The following SLC30A6 variants were observed in gnomAD, a reference collection of about 807,000 sequenced individuals.
SLC30A6 encodes the protein zinc transporter 6.
Under a neutral mutation model 63.0 loss-of-function variants are expected in SLC30A6, and 55 were observed. The ratio of observed to expected loss-of-function variants is 0.87; its 90% CI spans 0.70 to 1.09. The LOEUF (loss-of-function observed/expected upper bound fraction) is 1.09, where lower values mean the gene tolerates loss of function less well. SLC30A6 is among the 50% of genes least tolerant of loss of function. The probability of loss-of-function intolerance (pLI) is 0.00; values close to 1 mark genes in which losing one functional copy is unlikely to be tolerated. For missense variants in SLC30A6, 587 were observed against 549.2 expected, an observed-to-expected ratio of 1.07 and a Z score of -0.69; for synonymous variants, 224 against 186.1, an observed-to-expected ratio of 1.20 and a Z score of -1.66.
chr2:32,185,812 C>T (rs904414120), intron 5 of SLC30A6, among the ~76,000 whole-genome samples: 2 of 151,748 alleles, frequency 1.3e-5, no homozygotes, highest in East Asian at 1.9e-4. Context: ...CTCTGCCTTC[C>T]GGGTTCCAGC....
At chr2:32,186,396 T>C (rs1682815144) in intron 5 of SLC30A6, among the ~76,000 whole-genome samples, 1 of 152,128 alleles carries the variant, frequency 6.6e-6, no homozygotes, top group Admixed American at 6.6e-5. Flanking sequence ...AAATCTAACT[T>C]AGTTTGGGGC....
At chr2:32,212,894 A>AT (rs10522618) in intron 13 of SLC30A6, among the ~76,000 whole-genome samples, 1,632 of 118,116 alleles carry the variant, frequency 0.014, 31 homozygotes, top group South Asian at 0.02. Flanking sequence ...TGTGTCCAGC[A>AT]TTTTTTTTTT....
At chr2:32,188,488 G>GT (rs1430759058) in intron 5 of SLC30A6, among the ~76,000 whole-genome samples, 1 of 152,168 alleles carries the variant, frequency 6.6e-6, no homozygotes. Context: ...GAGGTCAGGA[G>GT]TTTGAGACCA....
chr2:32,218,933 C>T (rs1267409618), intron 13 of SLC30A6, among the ~76,000 whole-genome samples: 1 of 152,128 alleles, frequency 6.6e-6, no homozygotes, highest in Non-Finnish European at 1.5e-5. Flanking sequence ...TACAATTTTT[C>T]TGAACTCTGA....
intron 5 of SLC30A6, among the ~76,000 whole-genome samples, chr2:32,185,191 C>T (rs748765616): frequency 1.4e-4 from 22 of 151,982 alleles, no homozygotes; most frequent in Non-Finnish European, 3.1e-4. Context: ...TGAGATCTGT[C>T]GCTGCAAAAA....
At chr2:32,192,479 C>T in intron 6 of SLC30A6, 63 bp downstream of exon 6, 2 of 1,411,524 alleles carry the variant, frequency 1.4e-6, no homozygotes, top group South Asian at 2.4e-5. Context: ...ATGAAAGAAA[C>T]CCGTCAGACA....
chr2:32,186,988 G>A (rs1448918385), intron 5 of SLC30A6, among the ~76,000 whole-genome samples: 3 of 131,702 alleles, frequency 2.3e-5, no homozygotes, highest in South Asian at 2.4e-4. Context: ...AGAGCTAGAC[G>A]CTGTCTCCAA....
rs562773787 is a variant in SLC30A6 at position 32,188,529 on chromosome 2, A to T, written c.285-3807A>T. 2.0e-5 allele frequency among the ~76,000 whole-genome samples: 3 copies of T among 152,214 alleles called. No homozygotes were observed. The South Asian group carries it at 6.2e-4, about 32-fold the overall frequency. On this transcript the variant is annotated intron_variant, in intron 5 of 13. Coordinates refer to ENST00000282587, the MANE Select transcript of SLC30A6 (RefSeq NM_017964.5). ...ACCAACATGGTGAAACCTCATCTCTACTAAAAATACAAAAATTCGCCAGGT... is the reference window on the plus strand; with the variant it reads ...ACCAACATGGTGAAACCTCATCTCTTCTAAAAATACAAAAATTCGCCAGGT...
chr2:32,220,105 A>T (rs1049299024), intron 13 of SLC30A6, 108 bp from the exon 14 acceptor site: 1 of 1,298,268 alleles, frequency 7.7e-7, no homozygotes, highest in African/African-American at 1.5e-5. Context: ...TTTTCTTTCA[A>T]AGAAAATGCC....
At chr2:32,169,941 G>C (rs553543280) in intron 1 of SLC30A6, among the ~76,000 whole-genome samples, 4 of 152,268 alleles carry the variant, frequency 2.6e-5, no homozygotes, top group Admixed American at 2.6e-4. Context: ...TTTTAAAACT[G>C]GGTTATTCAT....
At chr2:32,201,883 G>A in intron 10 of SLC30A6, 1 of 1,451,002 alleles carries the variant, frequency 6.9e-7, no homozygotes, top group Non-Finnish European at 9.5e-7. Context: ...TTACCTGGAT[G>A]CTCCCAAGAC....
intron 10 of SLC30A6, chr2:32,202,221 A>G (rs1684351293): frequency 2.5e-6 from 2 of 803,162 alleles, no homozygotes; most frequent in East Asian, 3.7e-5. Flanking sequence ...TTGGTCCTGT[A>G]TATGAAGGAA....
chr2:32,201,836 A>G, intron 10 of SLC30A6: 1 of 1,429,782 alleles, frequency 7.0e-7, no homozygotes, highest in Non-Finnish European at 9.8e-7. Flanking sequence ...TATGACTCAG[A>G]TGAGAAATCA....
chr2:32,174,510 G>A (rs1219662276), intron 3 of SLC30A6, among the ~76,000 whole-genome samples: 2 of 142,004 alleles, frequency 1.4e-5, no homozygotes, highest in Non-Finnish European at 3.1e-5. Flanking sequence ...TTTTAAATAA[G>A]CTGTTATTTT....
At chr2:32,198,411 G>T (rs548973573) in intron 10 of SLC30A6, among the ~76,000 whole-genome samples, 1 of 152,104 alleles carries the variant, frequency 6.6e-6, no homozygotes, top group Non-Finnish European at 1.5e-5. Flanking sequence ...AATTCCAAAA[G>T]GCGTATCTTC....
chr2:32,166,209 G>A (rs1021309751), intron 1 of SLC30A6, among the ~76,000 whole-genome samples: 2 of 151,980 alleles, frequency 1.3e-5, no homozygotes. Context: ...GTTTTTGCCA[G>A]CGTCAACAAC....
chr2:32,211,477 C>G (rs1454547433), intron 13 of SLC30A6, among the ~76,000 whole-genome samples: 6 of 152,064 alleles, frequency 3.9e-5, no homozygotes, highest in African/African-American at 1.4e-4. Flanking sequence ...TAATTTTTTT[C>G]CTTTTATATG....
chr2:32,166,047 C>G (rs1236172331), intron 1 of SLC30A6, 144 bp downstream of exon 1: 3 of 1,220,412 alleles, frequency 2.5e-6, no homozygotes, highest in Non-Finnish European at 3.6e-6. Context: ...GAGCGGCTGT[C>G]TCCCAAAATG....
chr2:32,165,914 T>C lies in SLC30A6; in HGVS notation c.3+11T>C, dbSNP rs767408204. The stretch of plus-strand genomic sequence containing the variant: ...CAGCTCCTTATCATGGTGAGTTGGC[T>C]GTTGGGGTGAGGGTTTCGGCTGTAG... On this transcript the variant is annotated intron_variant, in intron 1 of 13. Coordinates refer to ENST00000282587, the MANE Select transcript of SLC30A6 (RefSeq NM_017964.5). The C allele has an allele frequency of 3.7e-6, 6 of 1,614,202 alleles. No homozygotes were observed. Among genetic ancestry groups the C allele is most frequent in the South Asian group, 1.1e-5 (1 of 91,090 alleles).
Sources: gnomAD v4.1 joint callset for allele counts (sites outside exome capture counted in the v4.1 genomes callset) on GRCh38, gnomAD v4.1.1 for gene constraint, MANE v1.5 for transcripts, NCBI Gene and HGNC (gene_info 2026-07-23, HGNC 2026-07-21) for gene names.